The following CD28 variants were observed in gnomAD, a reference collection of about 807,000 sequenced individuals.
CD28 encodes T-cell-specific surface glycoprotein CD28.
A neutral mutation model predicts 21.4 loss-of-function variants in CD28; 8 were observed. The observed-to-expected ratio is 0.37, with a 90% CI of 0.22 to 0.68. The LOEUF is 0.68. CD28 is among the 30% of genes least tolerant of loss of function. The pLI is 0.55. For synonymous variants in CD28, 106 were observed against 104.0 expected (o/e 1.02, Z -0.12); for missense variants, 239 against 272.2 (o/e 0.88, Z 0.86).
chr2:203,720,881 T>C (rs960340483), intron 1 of CD28, among the ~76,000 whole-genome samples: 10 of 152,222 alleles, frequency 6.6e-5, no homozygotes, highest in Middle Eastern at 3.2e-3. Flanking sequence ...GAGTCACTGG[T>C]TATCTTTTTC....
At chr2:203,707,584 T>C (rs1178612605) in intron 1 of CD28, among the ~76,000 whole-genome samples, 2 of 152,236 alleles carry the variant, frequency 1.3e-5, no homozygotes, top group Non-Finnish European at 2.9e-5. Flanking sequence ...TAAAATTCTT[T>C]AAGTTCCCAA....
rs535857982 is a variant in CD28, at chr2:203,716,644, A to G, written c.52+9896A>G. Among the ~76,000 whole-genome samples, 4 of 152,278 alleles carry G rather than the reference A, an allele frequency of 2.6e-5. No individual in the cohort carries two copies. The South Asian group carries it at 8.3e-4, about 32-fold the overall frequency. ...GAATGCCTTAGGTCTTGGTGCTCAT[A>G]TGGGACTTTTTGCTACTGAACTATC... On this transcript the variant is annotated intron_variant, in intron 1 of 3. Transcript: ENST00000324106.
At chr2:203,717,234 A>G (rs571845039) in intron 1 of CD28, among the ~76,000 whole-genome samples, 24 of 152,270 alleles carry the variant, frequency 1.6e-4, no homozygotes, top group Middle Eastern at 3.4e-3. Flanking sequence ...ACCTCTTTAG[A>G]TTTTGTTTTA....
intron 1 of CD28, among the ~76,000 whole-genome samples, chr2:203,713,517 T>C (rs976458908): frequency 4.6e-5 from 7 of 151,970 alleles, no homozygotes; most frequent in Admixed American, 4.6e-4. Context: ...TTCAAAAAGA[T>C]AGTGGTTAAT....
chr2:203,722,633 C>T (rs1407541731), intron 1 of CD28, among the ~76,000 whole-genome samples: 1 of 152,158 alleles, frequency 6.6e-6, no homozygotes, highest in Non-Finnish European at 1.5e-5. Flanking sequence ...GACTTGGAAA[C>T]CAGGGGCCTA....
At chr2:203,732,052 A>G (rs1693909465) in intron 3 of CD28, among the ~76,000 whole-genome samples, 1 of 152,208 alleles carries the variant, frequency 6.6e-6, no homozygotes, top group African/African-American at 2.4e-5. Flanking sequence ...TTGGTATTTA[A>G]GCAACAAGTA....
chr2:203,706,825 T>C, intron 1 of CD28, 77 bp downstream of exon 1: 1 of 1,117,992 alleles, frequency 8.9e-7, no homozygotes. Context: ...TTTAAATTTC[T>C]AACAATGTGT....
intron 1 of CD28, among the ~76,000 whole-genome samples, chr2:203,721,824 G>C (rs1288422797): frequency 2.0e-5 from 3 of 152,046 alleles, no homozygotes; most frequent in Non-Finnish European, 4.4e-5. Context: ...TTCATTTTTG[G>C]GAAATCAATT....
At chr2:203,711,062 C>T (rs1462865306) in intron 1 of CD28, among the ~76,000 whole-genome samples, 2 of 152,142 alleles carry the variant, frequency 1.3e-5, no homozygotes, top group African/African-American at 4.8e-5. Context: ...ATCTGTGTCT[C>T]TTTTACGGTG....
rs751348521 is a variant in CD28 at position 203,727,438 on chromosome 2, C to CTTCCTTCT, written c.409+456_409+457insTTTCCTTC. On this transcript the variant is annotated intron_variant, in intron 2 of 3. Coordinates refer to ENST00000324106, the MANE Select transcript of CD28 (RefSeq NM_006139.4). The stretch of plus-strand genomic sequence containing the variant: ...TACCTTTCCATTTTCTTTTTCCTTC[C>CTTCCTTCT]TTCCTTCCTTCCTTCCTTCCTTCCT... Among the ~76,000 whole-genome samples the CTTCCTTCT allele has an allele frequency of 6.5e-3, 377 of 58,244 alleles. 2 individuals are homozygous for CTTCCTTCT. Among genetic ancestry groups the CTTCCTTCT allele is most frequent in the South Asian group, 0.02 (16 of 802 alleles). 38.2% of individuals were successfully genotyped at this position (58,244 alleles called of 152,430 possible).
chr2:203,726,037 C>T (rs544785987), intron 1 of CD28, among the ~76,000 whole-genome samples: 5 of 152,052 alleles, frequency 3.3e-5, no homozygotes, highest in South Asian at 4.2e-4. Context: ...GGTGAAACCC[C>T]GTCTATACTA....
intron 1 of CD28, among the ~76,000 whole-genome samples, chr2:203,713,685 G>A (rs1693377205): frequency 6.6e-6 from 1 of 152,062 alleles, no homozygotes; most frequent in South Asian, 2.1e-4. Flanking sequence ...ACAGTGAAAA[G>A]GAGAGGAAAT....
Position 203,726,760 on chromosome 2 carries a change from T to C in CD28, c.180T>C (p.Asp60=), listed in dbSNP as rs1693760211. 1.2e-6 allele frequency: 2 copies of C among 1,614,132 alleles called. No individual in the cohort carries two copies. The highest frequency in any genetic ancestry group is 1.1e-5 in the South Asian group (1 of 91,082). ...EFRASLHKGL[D]SAVEVCVVYG... is the part of the protein sequence containing the mutation. ...GGGCATCCCTTCACAAAGGACTGGA[T>C]AGTGCTGTGGAAGTCTGTGTTGTAT... The change falls in exon 2 of 4, where the codon GAT becomes GAC. Residue 60 remains aspartate, a synonymous_variant. Transcript: ENST00000324106.
chr2:203,734,889 G>A lies in CD28; in HGVS notation c.640G>A (p.Asp214Asn), dbSNP rs201909740. ...TTACCAGCCCTATGCCCCACCACGC[G>A]ACTTCGCAGCCTATCGCTCCTGACA... ...KHYQPYAPPR[D>N]FAAYRS The change falls in exon 4 of 4, where the codon GAC becomes AAC. Residue 214 changes from aspartate to asparagine, a missense_variant. By Grantham distance (23) the Asp-to-Asn change is conservative (BLOSUM62 1). Transcript: ENST00000324106. 7 of 1,613,962 alleles carry A rather than the reference G, an allele frequency of 4.3e-6. No individual in the cohort carries two copies. Among genetic ancestry groups the A allele is most frequent in the South Asian group, 1.1e-5 (1 of 91,082 alleles).
In CD28 at chr2:203,737,634, T is replaced by C. The variant is rs546616395; in HGVS notation, c.*2722T>C. On this transcript the variant is annotated 3_prime_UTR_variant, in exon 4 of 4. Transcript: ENST00000324106. ...GGTTCAAAAACAGTGGTAGGAGCAA[T>C]GCTTTCATAGTTTCAGATATGGTAG... 2 of 152,756 alleles carry C rather than the reference T, an allele frequency of 1.3e-5. No individual in the cohort carries two copies. The highest frequency in any genetic ancestry group is 4.1e-4 in the South Asian group (2 of 4,834). The allele number at this position is 152,756 out of a possible 1,614,324, so 9.5% of individuals were successfully genotyped here.
In CD28 at chr2:203,727,430, TTTCCTTCCTTCC is replaced by T. The variant is rs762878963; in HGVS notation, c.409+468_409+479del. Among the ~76,000 whole-genome samples the T allele has an allele frequency of 1.1e-4, 11 of 98,896 alleles. No individual in the cohort carries two copies. The South Asian group carries it at 1.6e-3, about 14-fold the overall frequency. 64.9% of individuals were successfully genotyped at this position (98,896 alleles called of 152,430 possible). On this transcript the variant is annotated intron_variant, in intron 2 of 3. Coordinates refer to ENST00000324106, the MANE Select transcript of CD28 (RefSeq NM_006139.4). ...TGTAAAAGTACCTTTCCATTTTCTT[TTTCCTTCCTTCC>T]TTCCTTCCTTCCTTCCTTCCTTCCT...
At chr2:203,734,398 A>C (rs1001145435) in intron 3 of CD28, among the ~76,000 whole-genome samples, 4 of 152,226 alleles carry the variant, frequency 2.6e-5, no homozygotes, top group Non-Finnish European at 4.4e-5. Context: ...TTATGGAAAA[A>C]CAGCTTGTTA....
In CD28 at chr2:203,737,783, G is replaced by A. The variant is rs1177808206; in HGVS notation, c.*2871G>A. ...AAGCATGCCAATTTAAAGAGACCAAGTGTATGTACATTATGTTCTACATAT... is the reference window on the plus strand; with the variant it reads ...AAGCATGCCAATTTAAAGAGACCAAATGTATGTACATTATGTTCTACATAT... On this transcript the variant is annotated 3_prime_UTR_variant, in exon 4 of 4. Coordinates refer to ENST00000324106, the MANE Select transcript of CD28 (RefSeq NM_006139.4). 1.3e-5 allele frequency: 2 copies of A among 152,586 alleles called. No individual in the cohort carries two copies. The allele number at this position is 152,586 out of a possible 1,614,324, so 9.5% of individuals were successfully genotyped here.
chr2:203,710,570 T>C (rs1249544855), intron 1 of CD28, among the ~76,000 whole-genome samples: 2 of 152,162 alleles, frequency 1.3e-5, no homozygotes, highest in East Asian at 1.9e-4. Flanking sequence ...TTTTCAAGGG[T>C]GGAGAAATGC....
Sources: allele counts gnomAD v4.1 joint callset (sites outside exome capture counted in the v4.1 genomes callset), GRCh38; gene constraint gnomAD v4.1.1; transcripts MANE v1.5; gene names NCBI Gene and HGNC (gene_info 2026-07-23, HGNC 2026-07-21).